MFSD1: variants seen among roughly 807,000 people sequenced by gnomAD.
The protein encoded by MFSD1 is lysosomal dipeptide transporter MFSD1.
In MFSD1, 59 loss-of-function variants were observed where a neutral mutation model predicts 67.1. The ratio of observed to expected loss-of-function variants is 0.88; its 90% confidence interval spans 0.71 to 1.09. The LOEUF is 1.09. Among genes scored for constraint, MFSD1 ranks in the 50% least tolerant of loss-of-function variants. The pLI is 0.00. For synonymous variants in MFSD1, 213 were observed against 200.3 expected (o/e 1.06, Z -0.54); for missense variants, 552 against 566.1 (o/e 0.97, Z 0.25).
intron 15 of MFSD1, 69 bp downstream of exon 15, chr3:158,827,406 G>A: frequency 1.2e-6 from 1 of 842,316 alleles, no homozygotes; most frequent in South Asian, 2.1e-5. Context: ...TCGTTTCAAG[G>A]TTTGGGCTTT....
intron 9 of MFSD1, 65 bp from the exon 10 acceptor site, chr3:158,821,532 C>A: frequency 1.9e-6 from 2 of 1,058,456 alleles, no homozygotes; most frequent in South Asian, 1.5e-5. Context: ...TTTTATTCAA[C>A]TTTATTTTTT....
chr3:158,827,972 GAGAGAGAC>G (rs1731093737), intron 15 of MFSD1, among the ~76,000 whole-genome samples: 55 of 136,170 alleles, frequency 4.0e-4, no homozygotes, highest in South Asian at 7.2e-4. Flanking sequence ...GAGAGAGAGA[GAGAGAGAC>G]AGAGATCGAT....
At chr3:158,806,933 G>A in intron 3 of MFSD1, 107 bp from the exon 4 acceptor site, 1 of 929,566 alleles carries the variant, frequency 1.1e-6, no homozygotes, top group Admixed American at 2.8e-5. Context: ...AAACCAAAGT[G>A]AATTATTACT....
At chr3:158,804,236 A>C (rs1729603736) in intron 1 of MFSD1, 83 bp from the exon 2 acceptor site, 4 of 944,082 alleles carry the variant, frequency 4.2e-6, no homozygotes, top group Non-Finnish European at 6.5e-6. Flanking sequence ...TCAGCATTTA[A>C]AATTGTAATT....
At chr3:158,807,188 A>G in intron 4 of MFSD1, 106 bp downstream of exon 4, 1 of 1,119,016 alleles carries the variant, frequency 8.9e-7, no homozygotes, top group Non-Finnish European at 1.3e-6. Flanking sequence ...AGCTTAATTA[A>G]GCAGAACCCA....
intron 1 of MFSD1, chr3:158,802,560 G>T (rs1729513870): frequency 1.4e-6 from 1 of 699,946 alleles, no homozygotes. Flanking sequence ...GCACTCCTTT[G>T]CTCTTCAGTA....
intron 7 of MFSD1, among the ~76,000 whole-genome samples, chr3:158,816,514 A>G (rs1255805581): frequency 2.6e-5 from 4 of 151,644 alleles, no homozygotes; most frequent in African/African-American, 9.7e-5. Flanking sequence ...TTTTTCTTGT[A>G]AATTTGTTTG....
chr3:158,814,614 C>A (rs79751229), intron 7 of MFSD1, among the ~76,000 whole-genome samples: 1 of 152,200 alleles, frequency 6.6e-6, no homozygotes, highest in African/African-American at 2.4e-5. Flanking sequence ...AGCCACCGCA[C>A]CTGGCCTGTT....
chr3:158,821,556 T>C (rs1170345267), intron 9 of MFSD1, 41 bp from the exon 10 acceptor site: 1 of 1,335,294 alleles, frequency 7.5e-7, no homozygotes. Flanking sequence ...AACAGAGTAG[T>C]TCTCTCTAAT....
chr3:158,823,439 A>G lies in MFSD1; in HGVS notation c.1089A>G (p.Gly363=). 2.5e-6 allele frequency: 4 copies of G among 1,612,208 alleles called. No homozygotes were observed. The highest frequency in any genetic ancestry group is 3.4e-6 in the Non-Finnish European group (4 of 1,178,642). The change falls in exon 12 of 16, where the codon GGA becomes GGG. Residue 363 remains glycine (G), a synonymous_variant. Coordinates refer to ENST00000415822, the MANE Select transcript of MFSD1 (RefSeq NM_022736.4). ...GTTGCTTTCTGTAGTGTCTTCTGGG[A>G]CTCTCCTACTCATTGCTTGCCTGTG... is the stretch of plus-strand genomic sequence containing the variant. ...WNPWIAMCLL[G]LSYSLLACAL... is the part of the protein sequence containing the mutation.
chr3:158,802,675 G>C, intron 1 of MFSD1: 1 of 487,296 alleles, frequency 2.1e-6, no homozygotes, highest in South Asian at 1.8e-5. Context: ...AATTCAGAAA[G>C]CTTTAACTGT....
chr3:158,813,938 G>A, intron 6 of MFSD1, 27 bp from the exon 7 acceptor site: 3 of 1,505,120 alleles, frequency 2.0e-6, no homozygotes, highest in Non-Finnish European at 2.8e-6. Context: ...TTAAAATGCT[G>A]TTGTTTTTTT....
intron 7 of MFSD1, among the ~76,000 whole-genome samples, chr3:158,815,823 T>G: frequency 6.9e-6 from 1 of 145,312 alleles, no homozygotes; most frequent in African/African-American, 2.6e-5. Context: ...CCCACAACAG[T>G]CCCCAGAGTG....
chr3:158,810,879 A>G (rs939102892), intron 6 of MFSD1, among the ~76,000 whole-genome samples: 30 of 152,184 alleles, frequency 2.0e-4, no homozygotes, highest in African/African-American at 6.5e-4. Context: ...CTATAAGGAT[A>G]TTCCCAAAGC....
chr3:158,808,434 A>C (rs6441226), intron 5 of MFSD1, among the ~76,000 whole-genome samples: 18,429 of 152,194 alleles, frequency 0.12, 1,222 homozygotes, highest in East Asian at 0.19. Flanking sequence ...AGGAAGTAGG[A>C]GAGTGTTGAA....
intron 3 of MFSD1, 54 bp from the exon 4 acceptor site, chr3:158,806,986 A>G: frequency 6.8e-7 from 1 of 1,467,116 alleles, no homozygotes; most frequent in Non-Finnish European, 9.4e-7. Context: ...ACAGAAATTA[A>G]GATTTTTTTT....
chr3:158,828,948 CTT>C, intron 15 of MFSD1, 29 bp from the exon 16 acceptor site: 2 of 1,592,550 alleles, frequency 1.3e-6, no homozygotes, highest in Non-Finnish European at 1.7e-6. Context: ...TTTTCTTCCT[CTT>C]TGGTAATTTA....
chr3:158,819,568 T>C, intron 7 of MFSD1, 81 bp from the exon 8 acceptor site: 1 of 699,858 alleles, frequency 1.4e-6, no homozygotes, highest in Non-Finnish European at 2.3e-6. Context: ...TTGCTGTTTA[T>C]GTAATGTACT....
chr3:158,824,173 G>A lies in MFSD1; in HGVS notation c.1225G>A (p.Gly409Ser), dbSNP rs1464565368. The A allele has an allele frequency of 6.2e-7, 1 of 1,611,550 alleles. No homozygotes were observed. The highest frequency in any genetic ancestry group is 1.3e-5 in the African/African-American group (1 of 74,230). Residue 409 changes from glycine to serine, a missense_variant, in exon 13 of 16, where the codon GGT becomes AGT. Physicochemically the swap from Gly to Ser is moderately conservative, Grantham distance 56. Transcript: ENST00000415822. ...GTTGGCCATCATTTCCATCATTGCT[G>A]GTATGATACTGGATTCTCGGGGGTA... ...LGLAIISIIA[G>S]MILDSRGYLF...
Sources: gnomAD v4.1 joint callset for allele counts (sites outside exome capture counted in the v4.1 genomes callset) on GRCh38, gnomAD v4.1.1 for gene constraint, MANE v1.5 for transcripts, NCBI Gene and HGNC (gene_info 2026-07-23, HGNC 2026-07-21) for gene names.